The following VWF variants were observed in gnomAD, a reference collection of about 807,000 sequenced individuals.
VWF encodes the protein Factor VIII related antigen.
In VWF, 176 loss-of-function variants were observed where a neutral mutation model predicts 308.6. The observed-to-expected ratio is 0.57, with a 90% CI of 0.50 to 0.65. VWF has a LOEUF of 0.65. Among genes scored for constraint, VWF ranks in the 30% least tolerant of loss-of-function variants. The pLI is 0.00. For missense variants in VWF, 3,146 were observed against 3,648.2 expected, an observed-to-expected ratio of 0.86 and a Z score of 3.55; for synonymous variants, 1,385 against 1,443.4, an observed-to-expected ratio of 0.96 and a Z score of 0.92.
At chr12:6,057,754 CT>C in intron 14 of VWF, 94 bp downstream of exon 14, 1 of 1,427,728 alleles carries the variant, frequency 7.0e-7, no homozygotes, top group Non-Finnish European at 9.3e-7. Context: ...CGCCCCCGCC[CT>C]CCGCGGTGGG....
chr12:6,009,589 A>G (rs1194391014), intron 34 of VWF, among the ~76,000 whole-genome samples: 1 of 152,198 alleles, frequency 6.6e-6, no homozygotes, highest in African/African-American at 2.4e-5. Flanking sequence ...AATTAAAACT[A>G]GTATTAGCAT....
chr12:6,071,036 G>GT (rs1944773895), intron 10 of VWF, among the ~76,000 whole-genome samples: 1 of 152,200 alleles, frequency 6.6e-6, no homozygotes, highest in African/African-American at 2.4e-5. Context: ...CAGCAAACAG[G>GT]TAATAAGGAC....
intron 42 of VWF, among the ~76,000 whole-genome samples, chr12:5,976,943 G>A (rs770102002): frequency 6.6e-6 from 1 of 152,158 alleles, no homozygotes; most frequent in Non-Finnish European, 1.5e-5. Flanking sequence ...GTTTGATCAC[G>A]GGACTTAATG....
intron 47 of VWF, among the ~76,000 whole-genome samples, chr12:5,962,286 A>G (rs1243237721): frequency 3.3e-5 from 5 of 152,186 alleles, no homozygotes; most frequent in African/African-American, 4.8e-5. Flanking sequence ...TATAGATTCA[A>G]TATAATCCGG....
In VWF at chr12:6,063,036, T is replaced by C. The variant is rs1800378; in HGVS notation, c.1451A>G (p.His484Arg). 0.63 allele frequency: 1,014,527 copies of C among 1,612,716 alleles called. 327,980 individuals carry two copies. The highest frequency in any genetic ancestry group is 0.71 in the South Asian group (64,214 of 91,042). Residue 484 changes from histidine to arginine, a missense_variant, in exon 13 of 52, where the codon CAT (histidine) becomes CGT (arginine). Around this residue, in one of 3 missense-constraint regions of VWF, gnomAD observed 1,304 missense variants for 1,353.0 expected, o/e 0.96. Transcript: ENST00000261405. This position sits in a 1 kb window ranked among gnomAD's most constrained non-coding sequence, Gnocchi z 4.9. ...GAGGCGCACGGAGGCCGTCACTGTATGCTGGATGCGGAGGTCACCTGGAAC... is the reference window on the plus strand; with the variant it reads ...GAGGCGCACGGAGGCCGTCACTGTACGCTGGATGCGGAGGTCACCTGGAAC... ...PLLKGDLRIQHTVTASVRLSY... is the reference protein window; with the variant it reads ...PLLKGDLRIQRTVTASVRLSY...
At chr12:6,016,952 G>T in intron 28 of VWF, 82 bp from the exon 29 acceptor site, 3 of 1,458,304 alleles carry the variant, frequency 2.1e-6, no homozygotes, top group Non-Finnish European at 2.9e-6. Context: ...CATCCAATAG[G>T]ATCTGCAGGG....
chr12:6,015,684 C>T (rs1472265943), intron 31 of VWF, among the ~76,000 whole-genome samples: 1 of 152,064 alleles, frequency 6.6e-6, no homozygotes, highest in Non-Finnish European at 1.5e-5. Context: ...TACCTGGTAC[C>T]AGGAAAGGAC....
intron 47 of VWF, among the ~76,000 whole-genome samples, chr12:5,955,219 A>AC (rs373728408): frequency 0.075 from 11,414 of 151,534 alleles, 514 homozygotes; most frequent in African/African-American, 0.12. Flanking sequence ...GCAGGCAGGA[A>AC]TTTTTTTTTT....
intron 10 of VWF, 126 bp downstream of exon 10, chr12:6,071,171 G>T: frequency 8.7e-7 from 1 of 1,147,858 alleles, no homozygotes; most frequent in Non-Finnish European, 1.3e-6. Context: ...CGTGGTTGCA[G>T]CCAACCTGTG....
Position 5,949,841 on chromosome 12 carries a change from T to A in VWF, c.8198A>T (p.Tyr2733Phe). ...AGACTTACAGCTTCCCACCTTGACA[T>A]ACTGCAGCCTGGCAGTGATGTCGTT... ...ECNDITARLQ[Y>F]VKVGSCKSEV... Residue 2733 changes from tyrosine (Y) to phenylalanine (F), a missense_variant, in exon 51 of 52, where the codon TAT (tyrosine) becomes TTT (phenylalanine). Physicochemically the swap from Tyr to Phe is conservative, Grantham distance 22 (BLOSUM62 3). Around this residue, in one of 3 missense-constraint regions of VWF, gnomAD observed 989 missense variants for 1,117.4 expected, o/e 0.89. Transcript: ENST00000261405. The A allele has an allele frequency of 1.2e-6, 2 of 1,614,166 alleles. No individual in the cohort carries two copies. The highest frequency in any genetic ancestry group is 1.7e-6 in the Non-Finnish European group (2 of 1,180,038).
chr12:6,007,766 T>C (rs1943945673), intron 34 of VWF, among the ~76,000 whole-genome samples: 1 of 151,976 alleles, frequency 6.6e-6, no homozygotes, highest in Non-Finnish European at 1.5e-5. Flanking sequence ...TTAGAATTGG[T>C]TTTTTAAAGG....
intron 18 of VWF, among the ~76,000 whole-genome samples, chr12:6,042,356 G>A (rs12368045): frequency 0.04 from 6,019 of 152,200 alleles, 149 homozygotes; most frequent in Middle Eastern, 0.068. Context: ...GGAACACCCC[G>A]AGGGATGATG....
At chr12:6,092,902 AT>A (rs758067938) in intron 6 of VWF, among the ~76,000 whole-genome samples, 7 of 151,974 alleles carry the variant, frequency 4.6e-5, no homozygotes, top group Non-Finnish European at 7.4e-5. Flanking sequence ...CATTATGAAT[AT>A]TCATAGCTCC....
intron 5 of VWF, among the ~76,000 whole-genome samples, chr12:6,099,972 A>G (rs1442916575): frequency 6.6e-6 from 1 of 150,628 alleles, no homozygotes; most frequent in Non-Finnish European, 1.5e-5. Context: ...AAAATGGGAG[A>G]AAATTTTCAC....
rs773170413 is a variant in VWF, at chr12:6,046,820, G to A, written c.2187-3C>T. 5.6e-6 allele frequency: 9 copies of A among 1,613,648 alleles called. No homozygotes were observed. The highest frequency in any genetic ancestry group is 1.3e-5 in the African/African-American group (1 of 74,916). On this transcript the variant is annotated splice_region_variant and splice_polypyrimidine_tract_variant and intron_variant, in intron 16 of 51. Coordinates refer to ENST00000261405, the MANE Select transcript of VWF (RefSeq NM_000552.5). The surrounding 1 kb of genome is among the most constrained non-coding windows in gnomAD (Gnocchi z 5.0). ...GCATGAAGCCATCCTCACAGTAGCT[G>A]CAGAGAAGAAAATCATAGCCGAGCT...
At chr12:6,088,698 C>T (rs1232607836) in intron 6 of VWF, among the ~76,000 whole-genome samples, 4 of 152,134 alleles carry the variant, frequency 2.6e-5, no homozygotes, top group Non-Finnish European at 5.9e-5. Flanking sequence ...ATCTAAGGGT[C>T]TTTCTTTCTC....
chr12:6,107,007 T>C (rs1462308938), intron 5 of VWF, among the ~76,000 whole-genome samples: 1 of 152,044 alleles, frequency 6.6e-6, no homozygotes, highest in Non-Finnish European at 1.5e-5. Context: ...TTTTCCATAA[T>C]TGGAAACAAC....
chr12:6,040,098 C>T (rs949714341), intron 18 of VWF, among the ~76,000 whole-genome samples: 2 of 152,144 alleles, frequency 1.3e-5, no homozygotes, highest in Non-Finnish European at 2.9e-5. Flanking sequence ...CATAATGGGA[C>T]CTCAGGGTTT....
At chr12:6,037,847 G>T (rs1216543166) in intron 18 of VWF, among the ~76,000 whole-genome samples, 1 of 146,522 alleles carries the variant, frequency 6.8e-6, no homozygotes, top group Non-Finnish European at 1.5e-5. Context: ...GCAATCTTGG[G>T]CTGAACAAAG....
Sources: allele counts gnomAD v4.1 joint callset (sites outside exome capture counted in the v4.1 genomes callset), GRCh38; gene constraint gnomAD v4.1.1; regional missense constraint gnomAD v4.1.1; non-coding constraint Gnocchi (gnomAD v3.1); transcripts MANE v1.5; gene names NCBI Gene and HGNC (gene_info 2026-07-23, HGNC 2026-07-21).